The following GPC6 variants were observed in gnomAD, a reference collection of about 807,000 sequenced individuals.
GPC6 encodes the protein glypican 6, also known as glypican-6.
GPC6 carries 14 observed loss-of-function variants against 55.2 expected under a neutral mutation model. The ratio of observed to expected loss-of-function variants is 0.25; its 90% CI spans 0.17 to 0.40. The LOEUF (loss-of-function observed/expected upper bound fraction) is 0.40, where lower values mean the gene tolerates loss of function less well. Among genes scored for constraint, GPC6 ranks in the 10% least tolerant of loss-of-function variants. The pLI, the probability that GPC6 is intolerant of heterozygous loss-of-function variation, is 1.00. For synonymous variants in GPC6, 278 were observed against 259.6 expected, an observed-to-expected ratio of 1.07 and a Z score of -0.68; for missense variants, 641 against 708.5, an observed-to-expected ratio of 0.90 and a Z score of 1.08.
At chr13:94,165,922 T>C (rs151063988) in intron 4 of GPC6, among the ~76,000 whole-genome samples, 1 of 152,274 alleles carries the variant, frequency 6.6e-6, no homozygotes, top group African/African-American at 2.4e-5. Context: ...CAAATACATA[T>C]TTTGTGTATA....
intron 2 of GPC6, among the ~76,000 whole-genome samples, chr13:93,728,241 G>A (rs1377246997): frequency 1.2e-4 from 18 of 151,720 alleles, no homozygotes; most frequent in Admixed American, 1.2e-3. Context: ...TTTTGAGACA[G>A]GGTCTTTCTC....
intron 1 of GPC6, among the ~76,000 whole-genome samples, chr13:93,283,368 G>C (rs1018252447): frequency 6.6e-6 from 1 of 152,158 alleles, no homozygotes; most frequent in Non-Finnish European, 1.5e-5. Flanking sequence ...GCATAGGATG[G>C]CCTCAATTTT....
At chr13:93,316,300 C>T (rs1284439563) in intron 1 of GPC6, among the ~76,000 whole-genome samples, 2 of 151,982 alleles carry the variant, frequency 1.3e-5, no homozygotes, top group East Asian at 1.9e-4. Flanking sequence ...CTAATAAAAT[C>T]GACATTCATG....
the GPC6 span, among the ~76,000 whole-genome samples, chr13:93,217,004 C>T: frequency 6.6e-6 from 1 of 152,022 alleles, no homozygotes; most frequent in African/African-American, 2.4e-5. Context: ...GTTAAGTAAT[C>T]CTTTAAGTAA....
At chr13:94,045,563 A>G (rs1883701212) in intron 4 of GPC6, among the ~76,000 whole-genome samples, 1 of 151,934 alleles carries the variant, frequency 6.6e-6, no homozygotes, top group Non-Finnish European at 1.5e-5. Flanking sequence ...AATTATTTCT[A>G]CATTGAGAAA....
chr13:93,704,410 T>C (rs1452823759), intron 2 of GPC6, among the ~76,000 whole-genome samples: 1 of 151,968 alleles, frequency 6.6e-6, no homozygotes, highest in African/African-American at 2.4e-5. Flanking sequence ...TGAACTAAAA[T>C]TGAGAGTTAA....
intron 1 of GPC6, among the ~76,000 whole-genome samples, chr13:93,497,225 A>T (rs1880338192): frequency 6.6e-6 from 1 of 152,230 alleles, no homozygotes; most frequent in Non-Finnish European, 1.5e-5. Flanking sequence ...AGCCTAGGGC[A>T]TCTACATTCA....
intron 2 of GPC6, among the ~76,000 whole-genome samples, chr13:93,788,415 C>T (rs1459087380): frequency 2.0e-5 from 3 of 151,892 alleles, no homozygotes; most frequent in Non-Finnish European, 4.4e-5. Context: ...ATTGGCAATA[C>T]CTGAATTCTG....
At chr13:93,634,825 C>T (rs1426643966) in intron 2 of GPC6, among the ~76,000 whole-genome samples, 1 of 152,128 alleles carries the variant, frequency 6.6e-6, no homozygotes, top group African/African-American at 2.4e-5. Context: ...TGGTCAGTCG[C>T]AGGCCAGCAA....
rs780468594 is a variant in GPC6 at position 94,382,413 on chromosome 13, G to T, written c.1153-1G>T. On this transcript the variant is annotated splice_acceptor_variant, in intron 6 of 8. Coordinates refer to ENST00000377047, the MANE Select transcript of GPC6 (RefSeq NM_005708.5). LOFTEE classifies it high-confidence loss of function. ...CTTGCTTTCCTTGGTTTCTTGATCAGGTCACAGACATAAAAGAGAAATTGA... is the reference window on the plus strand; with the variant it reads ...CTTGCTTTCCTTGGTTTCTTGATCATGTCACAGACATAAAAGAGAAATTGA... 1 of 1,613,968 alleles carries T rather than the reference G, an allele frequency of 6.2e-7. No homozygotes were observed.
At chr13:93,795,674 T>C (rs1280463307) in intron 2 of GPC6, among the ~76,000 whole-genome samples, 1 of 152,216 alleles carries the variant, frequency 6.6e-6, no homozygotes, top group African/African-American at 2.4e-5. Flanking sequence ...ACAATGTAAA[T>C]TCTATTGCCT....
chr13:94,391,842 G>A (rs1880660181), intron 7 of GPC6, among the ~76,000 whole-genome samples: 1 of 152,062 alleles, frequency 6.6e-6, no homozygotes, highest in Non-Finnish European at 1.5e-5. Context: ...TCTATTTTCT[G>A]TCTCTTTGAA....
At chr13:94,189,088 T>G (rs1262225035) in intron 4 of GPC6, among the ~76,000 whole-genome samples, 1 of 152,170 alleles carries the variant, frequency 6.6e-6, no homozygotes, top group African/African-American at 2.4e-5. Context: ...AACCTGTGGC[T>G]TCCTCAAGAG....
chr13:93,455,199 G>T (rs1424364644), intron 1 of GPC6, among the ~76,000 whole-genome samples: 1 of 152,286 alleles, frequency 6.6e-6, no homozygotes, highest in East Asian at 2.0e-4. Flanking sequence ...TGAGGGAGCC[G>T]GCTCCGGCCT....
At chr13:94,304,815 A>T (rs1875856243) in intron 5 of GPC6, among the ~76,000 whole-genome samples, 1 of 152,200 alleles carries the variant, frequency 6.6e-6, no homozygotes, top group African/African-American at 2.4e-5. Flanking sequence ...TAGCAATCTT[A>T]ATTGTGACAT....
At chr13:94,178,184 A>T (rs1397115723) in intron 4 of GPC6, among the ~76,000 whole-genome samples, 1 of 151,960 alleles carries the variant, frequency 6.6e-6, no homozygotes, top group Non-Finnish European at 1.5e-5. Flanking sequence ...ATTTTTGTAG[A>T]AATGGGGTTT....
intron 3 of GPC6, among the ~76,000 whole-genome samples, chr13:93,841,073 T>C (rs1347544084): frequency 2.0e-5 from 3 of 152,134 alleles, no homozygotes; most frequent in Non-Finnish European, 4.4e-5. Context: ...GTAGGCAAGG[T>C]GTGTGATACC....
intron 1 of GPC6, among the ~76,000 whole-genome samples, chr13:93,339,593 G>A (rs537322947): frequency 5.1e-4 from 78 of 152,330 alleles, no homozygotes; most frequent in Middle Eastern, 6.8e-3. Context: ...GGAACTGACA[G>A]TGAATTGGTC....
chr13:93,876,801 A>G (rs1189839941), intron 3 of GPC6, among the ~76,000 whole-genome samples: 1 of 152,110 alleles, frequency 6.6e-6, no homozygotes, highest in Non-Finnish European at 1.5e-5. Flanking sequence ...TTTTGCTCTT[A>G]CATTAAATGC....
Sources: allele counts gnomAD v4.1 joint callset (sites outside exome capture counted in the v4.1 genomes callset), GRCh38; gene constraint gnomAD v4.1.1; transcripts MANE v1.5; gene names NCBI Gene and HGNC (gene_info 2026-07-23, HGNC 2026-07-21).